Variants in TAF2 observed in about 807,000 individuals in gnomAD.
TAF2 encodes TATA-box binding protein associated factor 2.
In TAF2, 61 loss-of-function variants were observed where a neutral mutation model predicts 138.5. The observed-to-expected ratio is 0.44, with a 90% confidence interval of 0.36 to 0.54. The LOEUF is 0.54. Among genes scored for constraint, TAF2 ranks in the 20% least tolerant of loss-of-function variants. The pLI, the probability that TAF2 is intolerant of heterozygous loss-of-function variation, is 0.00. For synonymous variants in TAF2, 475 were observed against 469.9 expected, an observed-to-expected ratio of 1.01 and a Z score of -0.14; for missense variants, 1,090 against 1,427.9, an observed-to-expected ratio of 0.76 and a Z score of 3.81.
chr8:119,750,624 AAT>A (rs551564583), intron 22 of TAF2, among the ~76,000 whole-genome samples: 76 of 152,308 alleles, frequency 5.0e-4, no homozygotes, highest in African/African-American at 1.8e-3. Flanking sequence ...CAGATGAATC[AAT>A]ATGTTTTCAT....
intron 17 of TAF2, among the ~76,000 whole-genome samples, chr8:119,779,118 G>A (rs895434917): frequency 2.0e-5 from 3 of 151,986 alleles, no homozygotes; most frequent in Non-Finnish European, 2.9e-5. Context: ...GTTTCATTTA[G>A]GCACCAATCT....
At chr8:119,780,992 C>T (rs997235185) in intron 17 of TAF2, 61 bp downstream of exon 17, 11 of 1,356,100 alleles carry the variant, frequency 8.1e-6, no homozygotes, top group Non-Finnish European at 1.1e-5. Flanking sequence ...ATTATTTGAA[C>T]AGTCTCCAAC....
At chr8:119,811,453 C>G (rs1586509469) in intron 3 of TAF2, among the ~76,000 whole-genome samples, 2 of 152,228 alleles carry the variant, frequency 1.3e-5, no homozygotes, top group South Asian at 4.1e-4. Flanking sequence ...GATAAATTTT[C>G]ACAAACTGAA....
chr8:119,763,846 T>A (rs1231826745), intron 18 of TAF2, among the ~76,000 whole-genome samples: 1 of 151,088 alleles, frequency 6.6e-6, no homozygotes, highest in Non-Finnish European at 1.5e-5. Context: ...AGAGCAAGAC[T>A]GTTTCAAAAA....
At chr8:119,797,154 A>G in intron 7 of TAF2, 51 bp from the exon 8 acceptor site, 1 of 1,241,254 alleles carries the variant, frequency 8.1e-7, no homozygotes, top group Non-Finnish European at 1.2e-6. Flanking sequence ...ATAAATACTT[A>G]TTCAGTGAAA....
intron 3 of TAF2, among the ~76,000 whole-genome samples, chr8:119,807,114 G>A (rs1235678779): frequency 6.6e-6 from 1 of 152,146 alleles, no homozygotes; most frequent in Admixed American, 6.5e-5. Flanking sequence ...AAATTAAGAT[G>A]TTTAAAACAA....
chr8:119,793,297 A>G (rs1219504194), intron 10 of TAF2, 69 bp downstream of exon 10: 1 of 1,305,290 alleles, frequency 7.7e-7, no homozygotes, highest in Non-Finnish European at 1.1e-6. Context: ...AATACTATTT[A>G]GCTCTTAAAT....
In TAF2 at chr8:119,760,680, G is replaced by T. The variant is rs529663299; in HGVS notation, c.2617C>A (p.Leu873Ile). The change falls in exon 20 of 26, where the codon CTT (leucine) becomes ATT (isoleucine). Residue 873 changes from leucine (L) to isoleucine (I), a missense_variant. Transcript: ENST00000378164. ...KNGHVPSDPA[L>I]FKSYAEYGHF... ...CCATATTCAGCATAAGATTTAAAAA[G>T]AGCTGGATCACTTGGCACATGTCCG... is the stretch of plus-strand genomic sequence containing the variant. The T allele has an allele frequency of 3.7e-6, 6 of 1,613,994 alleles. No individual in the cohort carries two copies. The East Asian group carries it at 1.3e-4, about 36-fold the overall frequency.
chr8:119,783,965 A>G (rs1287329968), intron 15 of TAF2, among the ~76,000 whole-genome samples: 2 of 152,218 alleles, frequency 1.3e-5, no homozygotes, highest in Non-Finnish European at 2.9e-5. Context: ...TTGTGATTAT[A>G]TGAGGCAAAA....
intron 22 of TAF2, among the ~76,000 whole-genome samples, chr8:119,751,284 G>A (rs1586318126): frequency 6.6e-6 from 1 of 152,084 alleles, no homozygotes; most frequent in East Asian, 1.9e-4. Context: ...AGTCAGCCTG[G>A]TTCTAGCAAC....
In TAF2 at chr8:119,742,461, A is replaced by AT. The variant is rs1375089767; in HGVS notation, c.3337+72dup. The AT allele has an allele frequency of 2.6e-6, 4 of 1,566,328 alleles. No individual in the cohort carries two copies. In the African/African-American group the frequency reaches 5.5e-5, roughly 22 times the overall value. ...ATTTTTAAAGGGTTTTTTAAAGTTGATGAAGTAACTCTATTACATTTATAG... is the reference window on the plus strand; with the variant it reads ...ATTTTTAAAGGGTTTTTTAAAGTTGATTGAAGTAACTCTATTACATTTATAG... On this transcript the variant is annotated intron_variant, in intron 25 of 25. Coordinates refer to ENST00000378164, the MANE Select transcript of TAF2 (RefSeq NM_003184.4).
intron 25 of TAF2, among the ~76,000 whole-genome samples, chr8:119,735,952 C>A (rs1819197832): frequency 6.6e-6 from 1 of 152,166 alleles, no homozygotes; most frequent in Admixed American, 6.6e-5. Context: ...TATCAACAGA[C>A]TTTGCAGCTT....
chr8:119,821,502 T>C (rs908828553), intron 2 of TAF2, among the ~76,000 whole-genome samples: 13 of 152,176 alleles, frequency 8.5e-5, no homozygotes, highest in East Asian at 3.8e-4. Flanking sequence ...TAGTGGAAAA[T>C]AGGCATTCTC....
Position 119,771,709 on chromosome 8 carries a change from T to C in TAF2, c.2364+6310A>G, listed in dbSNP as rs146732455. On this transcript the variant is annotated intron_variant, in intron 18 of 25. Coordinates refer to ENST00000378164, the MANE Select transcript of TAF2 (RefSeq NM_003184.4). ...AGATTCATAAAACAACACCTACACC[T>C]AAGAAGAGATTGACAGCAATGCAAT... 9.1e-3 allele frequency among the ~76,000 whole-genome samples: 1,391 copies of C among 152,194 alleles called. 20 individuals are homozygous for C. The highest frequency in any genetic ancestry group is 0.032 in the African/African-American group (1,327 of 41,532).
intron 18 of TAF2, among the ~76,000 whole-genome samples, chr8:119,771,126 A>G (rs1003640159): frequency 6.6e-6 from 1 of 152,182 alleles, no homozygotes; most frequent in Non-Finnish European, 1.5e-5. Flanking sequence ...ACTACCATCT[A>G]TTGCCTAGAA....
intron 23 of TAF2, among the ~76,000 whole-genome samples, chr8:119,746,467 G>T (rs1216592915): frequency 6.6e-6 from 1 of 151,226 alleles, no homozygotes; most frequent in Non-Finnish European, 1.5e-5. Context: ...AAATAACTAG[G>T]TTATCACAAT....
intron 10 of TAF2, among the ~76,000 whole-genome samples, chr8:119,792,589 G>A (rs1056925555): frequency 6.6e-6 from 1 of 152,060 alleles, no homozygotes. Flanking sequence ...TGTATGAGTG[G>A]TGCTATAGTT....
intron 18 of TAF2, among the ~76,000 whole-genome samples, chr8:119,764,334 T>C (rs114795028): frequency 0.011 from 1,665 of 152,284 alleles, 31 homozygotes; most frequent in African/African-American, 0.037. Context: ...TACTAAGTCA[T>C]ATAAAACTAC....
intron 18 of TAF2, among the ~76,000 whole-genome samples, chr8:119,763,872 T>TG (rs1375216579): frequency 2.0e-5 from 3 of 151,838 alleles, no homozygotes; most frequent in South Asian, 2.1e-4. Flanking sequence ...AATAATAGGC[T>TG]GGGCGTGGTG....
Sources: gnomAD v4.1 joint callset for allele counts (sites outside exome capture counted in the v4.1 genomes callset) on GRCh38, gnomAD v4.1.1 for gene constraint, MANE v1.5 for transcripts, NCBI Gene and HGNC (gene_info 2026-07-23, HGNC 2026-07-21) for gene names.